The following TNRC6B variants were observed in gnomAD, a reference collection of about 807,000 sequenced individuals.
TNRC6B encodes the protein trinucleotide repeat containing adaptor 6B, also known as trinucleotide repeat-containing gene 6B protein.
TNRC6B carries 52 observed loss-of-function variants against 203.6 expected under a neutral mutation model. The observed-to-expected ratio is 0.26, with a 90% CI of 0.20 to 0.32. The LOEUF (loss-of-function observed/expected upper bound fraction) is 0.32. Among genes scored for constraint, TNRC6B ranks in the 10% least tolerant of loss-of-function variants. The pLI is 1.00. For missense variants in TNRC6B, 1,923 were observed against 2,286.2 expected (o/e 0.84, Z 3.24); for synonymous variants, 838 against 845.7 (o/e 0.99, Z 0.16).
chr22:40,125,560 C>T (rs1164927620), intron 2 of TNRC6B, among the ~76,000 whole-genome samples: 10 of 152,156 alleles, frequency 6.6e-5, no homozygotes, highest in Admixed American at 6.5e-4. Flanking sequence ...TACCCTTCTC[C>T]CCCAAGATGG....
chr22:40,287,399 T>G (rs2070801968), intron 12 of TNRC6B, among the ~76,000 whole-genome samples: 2 of 152,228 alleles, frequency 1.3e-5, no homozygotes, highest in Admixed American at 1.3e-4. Flanking sequence ...AGTTTTAATG[T>G]TCTGAGTCTG....
intron 7 of TNRC6B, among the ~76,000 whole-genome samples, chr22:40,273,982 A>G (rs1315112051): frequency 6.6e-6 from 1 of 152,182 alleles, no homozygotes; most frequent in Non-Finnish European, 1.5e-5. Context: ...GTGTGAGGCA[A>G]CTGGGGTCCT....
At chr22:40,270,887 C>G (rs2070553539) in intron 6 of TNRC6B, among the ~76,000 whole-genome samples, 2 of 152,184 alleles carry the variant, frequency 1.3e-5, no homozygotes, top group African/African-American at 4.8e-5. Context: ...ACTATGTGCT[C>G]ACCATATCTA....
chr22:40,133,782 G>A (rs905483047), intron 3 of TNRC6B, among the ~76,000 whole-genome samples: 27 of 151,564 alleles, frequency 1.8e-4, no homozygotes, highest in African/African-American at 5.8e-4. Context: ...CAGCCTGACC[G>A]ACATGGAGAA....
intron 1 of TNRC6B, among the ~76,000 whole-genome samples, chr22:40,108,760 A>G (rs961827625): frequency 6.6e-6 from 1 of 152,222 alleles, no homozygotes; most frequent in Non-Finnish European, 1.5e-5. Context: ...TACCATTTTT[A>G]ATTTAAAAAG....
At chr22:40,125,012 CAAA>C (rs58332939) in intron 2 of TNRC6B, among the ~76,000 whole-genome samples, 1 of 115,890 alleles carries the variant, frequency 8.6e-6, no homozygotes, top group African/African-American at 2.9e-5. Flanking sequence ...GACTGTGTCT[CAAA>C]AAAAAAAAAA....
intron 12 of TNRC6B, among the ~76,000 whole-genome samples, chr22:40,287,770 T>C (rs1271875151): frequency 6.6e-6 from 1 of 151,738 alleles, no homozygotes; most frequent in African/African-American, 2.4e-5. Flanking sequence ...GAAAATGCCA[T>C]CTCTCTCTCT....
chr22:40,072,381 T>C (rs942202735), intron 1 of TNRC6B, among the ~76,000 whole-genome samples: 2 of 152,200 alleles, frequency 1.3e-5, no homozygotes, highest in African/African-American at 4.8e-5. Context: ...GATGCAGATG[T>C]CATCCTACTA....
intron 1 of TNRC6B, among the ~76,000 whole-genome samples, chr22:40,184,445 T>C (rs1474409745): frequency 6.6e-6 from 1 of 152,004 alleles, no homozygotes; most frequent in Non-Finnish European, 1.5e-5. Context: ...AGAAATAATC[T>C]GAGAAATGAG....
intron 4 of TNRC6B, among the ~76,000 whole-genome samples, chr22:40,162,269 A>G (rs575018462): frequency 1.7e-4 from 26 of 151,920 alleles, no homozygotes; most frequent in African/African-American, 5.3e-4. Context: ...AATTTTTTCT[A>G]TTTTTTAGTA....
Position 40,258,700 on chromosome 22 carries a change from G to A in TNRC6B, c.116-3132G>A, listed in dbSNP as rs575482090. Among the ~76,000 whole-genome samples, 7 of 152,266 alleles carry A rather than the reference G, an allele frequency of 4.6e-5. No homozygotes were observed. In the East Asian group the frequency reaches 9.6e-4, roughly 21 times the overall value. On this transcript the variant is annotated intron_variant, in intron 3 of 22. Transcript: ENST00000454349. ...GTATTGGGAGGAAAGTGGTTGAGGT[G>A]TGTTCCCATTTTATAATGACTTTAT...
chr22:40,104,350 C>G (rs1242932059), intron 1 of TNRC6B, among the ~76,000 whole-genome samples: 1 of 152,114 alleles, frequency 6.6e-6, no homozygotes, highest in African/African-American at 2.4e-5. Context: ...TCATTTGTTG[C>G]TATCCAGAGG....
In TNRC6B at chr22:40,334,210, A is replaced by C. The variant is rs2044010407; in HGVS notation, c.*10969A>C. 1.3e-5 allele frequency: 2 copies of C among 152,334 alleles called. No homozygotes were observed. The highest frequency in any genetic ancestry group is 2.9e-5 in the Non-Finnish European group (2 of 68,060). The allele number at this position is 152,334 out of a possible 1,614,324, so 9.4% of individuals were successfully genotyped here. ...TTCCTGGGACACTCCCCCCACCACC[A>C]CCCTTTGCACACACCAGTGACCAAA... On this transcript the variant is annotated 3_prime_UTR_variant, in exon 23 of 23. Coordinates refer to ENST00000454349, the MANE Select transcript of TNRC6B (RefSeq NM_001162501.2).
chr22:40,230,588 G>A (rs75208965), intron 1 of TNRC6B, among the ~76,000 whole-genome samples: 2,898 of 151,984 alleles, frequency 0.019, 106 homozygotes, highest in African/African-American at 0.067. Flanking sequence ...CACCATGCCC[G>A]GCCTCTTTTG....
intron 1 of TNRC6B, among the ~76,000 whole-genome samples, chr22:40,084,570 A>G (rs1457712827): frequency 2.6e-5 from 4 of 152,234 alleles, no homozygotes; most frequent in Non-Finnish European, 5.9e-5. Flanking sequence ...GAAAGAGGAT[A>G]GATGGCCTTT....
At chr22:40,046,877 C>T (rs1221200893) in intron 1 of TNRC6B, among the ~76,000 whole-genome samples, 2 of 151,990 alleles carry the variant, frequency 1.3e-5, no homozygotes, top group Non-Finnish European at 2.9e-5. Flanking sequence ...GATCTCCTGA[C>T]TTCATGATCC....
chr22:40,127,274 C>T (rs1012229329), intron 3 of TNRC6B, among the ~76,000 whole-genome samples: 4 of 152,114 alleles, frequency 2.6e-5, no homozygotes, highest in East Asian at 1.9e-4. Flanking sequence ...TGATCTAGTC[C>T]GTGGCTTGGG....
chr22:40,124,321 CTT>C (rs545893898), intron 2 of TNRC6B, among the ~76,000 whole-genome samples: 46 of 133,922 alleles, frequency 3.4e-4, no homozygotes, highest in Admixed American at 4.5e-4. Flanking sequence ...ATCTTTTTAC[CTT>C]TTTTTTTTTT....
intron 3 of TNRC6B, among the ~76,000 whole-genome samples, chr22:40,146,272 T>G (rs1487855119): frequency 2.0e-5 from 3 of 152,170 alleles, no homozygotes; most frequent in Non-Finnish European, 4.4e-5. Flanking sequence ...TGTGTGATGC[T>G]GGGGAGTGAC....
Sources: gnomAD v4.1 joint callset for allele counts (sites outside exome capture counted in the v4.1 genomes callset) on GRCh38, gnomAD v4.1.1 for gene constraint, MANE v1.5 for transcripts, NCBI Gene and HGNC (gene_info 2026-07-23, HGNC 2026-07-21) for gene names.